Variants in FCRL5 observed in about 807,000 individuals in gnomAD.
FCRL5 encodes Fc receptor-like protein 5.
FCRL5 carries 79 observed loss-of-function variants against 92.1 expected under a neutral mutation model. The ratio of observed to expected loss-of-function variants is 0.86; its 90% CI spans 0.72 to 1.03. The LOEUF is 1.03. FCRL5 is among the 50% of genes least tolerant of loss of function. The probability of loss-of-function intolerance (pLI) is 0.00; values close to 1 mark genes in which losing one functional copy is unlikely to be tolerated. For missense variants in FCRL5, 1,160 were observed against 1,181.1 expected, an observed-to-expected ratio of 0.98 and a Z score of 0.26; for synonymous variants, 466 against 469.3, an observed-to-expected ratio of 0.99 and a Z score of 0.09.
intron 13 of FCRL5, among the ~76,000 whole-genome samples, chr1:157,519,498 T>A (rs1650081031): frequency 6.6e-6 from 1 of 152,142 alleles, no homozygotes. Flanking sequence ...TCCAAGGATG[T>A]GGGTTAATAA....
rs780571618 is a variant in FCRL5 at position 157,534,868 on chromosome 1, G to T, written c.1427C>A (p.Thr476Asn). 1.9e-6 allele frequency: 3 copies of T among 1,556,280 alleles called. No homozygotes were observed. The highest frequency in any genetic ancestry group is 2.3e-5 in the East Asian group (1 of 44,436). ...VTVPVSHPVL[T>N]LSSAEALTFE... ...AGTCAGGGCCTCAGCAGAGCTGAGG[G>T]TGAGGACAGGATGAGACACAGGGAC... Residue 476 changes from threonine (T) to asparagine (N), a missense_variant, in exon 8 of 17, where the codon ACC becomes AAC. Physicochemically the swap from Thr to Asn is moderately conservative, Grantham distance 65. Coordinates refer to ENST00000361835, the MANE Select transcript of FCRL5 (RefSeq NM_031281.3).
At chr1:157,534,306 G>A (rs1650832331) in intron 8 of FCRL5, 1 of 701,704 alleles carries the variant, frequency 1.4e-6, no homozygotes, top group South Asian at 1.5e-5. Flanking sequence ...AATGTCAGTA[G>A]AGAAGTAGGA....
chr1:157,542,688 G>A (rs150542477), intron 6 of FCRL5, 171 bp downstream of exon 6: 15 of 794,744 alleles, frequency 1.9e-5, no homozygotes, highest in East Asian at 1.3e-4. Context: ...GCAATGCAAC[G>A]AGACTCAAGA....
At chr1:157,530,941 CA>C (rs1211916669) in intron 8 of FCRL5, among the ~76,000 whole-genome samples, 1 of 151,878 alleles carries the variant, frequency 6.6e-6, no homozygotes, top group Non-Finnish European at 1.5e-5. Flanking sequence ...TTTTAAAATA[CA>C]AAAGTACAGG....
chr1:157,515,970 C>T (rs890390441), intron 15 of FCRL5, 97 bp from the exon 16 acceptor site: 53 of 1,351,274 alleles, frequency 3.9e-5, no homozygotes, highest in South Asian at 1.9e-4. Context: ...CCTGGAGGCC[C>T]GCTCTCCCTC....
intron 7 of FCRL5, among the ~76,000 whole-genome samples, chr1:157,538,323 GACCA>G (rs746913219): frequency 3.9e-5 from 6 of 152,104 alleles, no homozygotes; most frequent in Admixed American, 6.5e-5. Flanking sequence ...CCGCTTCCGG[GACCA>G]ACCAAGACTG....
Position 157,527,886 on chromosome 1 carries a change from G to A in FCRL5, c.1691C>T (p.Ser564Phe), listed in dbSNP as rs1255380676. Residue 564 changes from serine to phenylalanine, a missense_variant, in exon 9 of 17, where the codon TCT becomes TTT. Physicochemically the swap from Ser to Phe is radical, Grantham distance 155. Coordinates refer to ENST00000361835, the MANE Select transcript of FCRL5 (RefSeq NM_031281.3). ...VVSLFVTVPV[S>F]RPILTLRVPR... ...AACCCTGAGGGTGAGGATGGGGCGA[G>A]ACACTGGAACTGAGAGAGAAAATGA... The A allele has an allele frequency of 6.3e-7, 1 of 1,582,508 alleles. No homozygotes were observed. Among genetic ancestry groups the A allele is most frequent in the South Asian group, 1.2e-5 (1 of 85,882 alleles).
At chr1:157,545,138 C>G (rs1651470169) in intron 3 of FCRL5, 56 bp from the exon 4 acceptor site, 1 of 1,545,684 alleles carries the variant, frequency 6.5e-7, no homozygotes, top group Non-Finnish European at 8.7e-7. Flanking sequence ...CCTTTCTTTT[C>G]ATTGTTTTTC....
chr1:157,536,320 T>A (rs964233653), intron 7 of FCRL5, among the ~76,000 whole-genome samples: 5 of 152,196 alleles, frequency 3.3e-5, no homozygotes, highest in Non-Finnish European at 7.3e-5. Context: ...TTAGAACATG[T>A]TCTACCCTTG....
intron 6 of FCRL5, chr1:157,542,609 T>A (rs1292565194): frequency 2.1e-6 from 1 of 473,242 alleles, no homozygotes; most frequent in African/African-American, 1.9e-5. Flanking sequence ...ACTTGGCTTC[T>A]CAGAAATTGG....
At chr1:157,536,780 A>AC (rs1191199278) in intron 7 of FCRL5, among the ~76,000 whole-genome samples, 1 of 152,212 alleles carries the variant, frequency 6.6e-6, no homozygotes, top group African/African-American at 2.4e-5. Flanking sequence ...GAAGTCAGGG[A>AC]CCCCGAATGG....
intron 9 of FCRL5, 91 bp downstream of exon 9, chr1:157,527,526 G>T: frequency 1.5e-6 from 2 of 1,319,566 alleles, no homozygotes; most frequent in South Asian, 3.4e-5. Flanking sequence ...CACAGCAAAT[G>T]ACTCTAGAAA....
chr1:157,539,025 G>A (rs1571100645), intron 7 of FCRL5, 61 bp downstream of exon 7: 2 of 1,558,438 alleles, frequency 1.3e-6, no homozygotes, highest in East Asian at 2.2e-5. Context: ...GACTTCTGAA[G>A]GGTTGGGTAA....
chr1:157,539,058 G>A (rs1651113877), intron 7 of FCRL5, 28 bp downstream of exon 7: 1 of 1,605,596 alleles, frequency 6.2e-7, no homozygotes, highest in African/African-American at 1.3e-5. Flanking sequence ...GGCCAGGGGT[G>A]GGTGATTGGC....
At chr1:157,518,565 C>G in intron 14 of FCRL5, 68 bp from the exon 15 acceptor site, 3 of 1,494,458 alleles carry the variant, frequency 2.0e-6, no homozygotes, top group Middle Eastern at 1.7e-4. Flanking sequence ...ACTTCCTCCT[C>G]CCCCAGCCAG....
At chr1:157,537,413 T>C (rs1310221943) in intron 7 of FCRL5, among the ~76,000 whole-genome samples, 3 of 152,152 alleles carry the variant, frequency 2.0e-5, no homozygotes, top group East Asian at 1.9e-4. Flanking sequence ...GCCTAATAAA[T>C]TTTGGTCAGA....
chr1:157,519,716 C>T (rs1216579802), intron 13 of FCRL5, 27 bp downstream of exon 13: 1 of 1,611,086 alleles, frequency 6.2e-7, no homozygotes, highest in Non-Finnish European at 8.5e-7. Context: ...TTTCACTAAT[C>T]ACACAGGAAT....
intron 2 of FCRL5, chr1:157,547,526 C>T: frequency 2.4e-6 from 1 of 410,312 alleles, no homozygotes; most frequent in Non-Finnish European, 4.6e-6. Context: ...TGTTCATACA[C>T]TCATAAGAAA....
At chr1:157,540,544 C>T (rs1651212504) in intron 6 of FCRL5, among the ~76,000 whole-genome samples, 1 of 151,652 alleles carries the variant, frequency 6.6e-6, no homozygotes, top group African/African-American at 2.4e-5. Context: ...AAAAAACCAT[C>T]AGACAATAGA....
Sources: allele counts gnomAD v4.1 joint callset (sites outside exome capture counted in the v4.1 genomes callset), GRCh38; gene constraint gnomAD v4.1.1; transcripts MANE v1.5; gene names NCBI Gene and HGNC (gene_info 2026-07-23, HGNC 2026-07-21).